Variants in PPM1L observed in about 807,000 individuals in gnomAD.
PPM1L encodes the protein protein phosphatase, Mg2+/Mn2+ dependent 1L, also known as protein phosphatase 1L.
PPM1L carries 13 observed loss-of-function variants against 31.4 expected under a neutral mutation model. The observed-to-expected ratio is 0.41, with a 90% CI of 0.27 to 0.66. The LOEUF (loss-of-function observed/expected upper bound fraction) is 0.66, where lower values mean the gene tolerates loss of function less well. Among genes scored for constraint, PPM1L ranks in the 30% least tolerant of loss-of-function variants. PPM1L has a pLI of 0.29. For missense variants in PPM1L, 326 were observed against 453.7 expected (o/e 0.72, Z 2.56); for synonymous variants, 184 against 175.4 (o/e 1.05, Z -0.39).
At chr3:161,005,339 A>G (rs1717668572) in intron 2 of PPM1L, among the ~76,000 whole-genome samples, 1 of 152,224 alleles carries the variant, frequency 6.6e-6, no homozygotes, top group Non-Finnish European at 1.5e-5. Flanking sequence ...ATGAAAAAAC[A>G]AAGTGAGTTA....
intron 1 of PPM1L, among the ~76,000 whole-genome samples, chr3:160,909,592 G>A (rs1169985513): frequency 1.3e-5 from 2 of 152,140 alleles, no homozygotes; most frequent in Admixed American, 6.5e-5. Flanking sequence ...AGCCATGAAA[G>A]TAAGCGAGCC....
intron 1 of PPM1L, among the ~76,000 whole-genome samples, chr3:160,783,258 A>G (rs1158746489): frequency 2.0e-5 from 3 of 152,202 alleles, no homozygotes; most frequent in African/African-American, 4.8e-5. Flanking sequence ...ATTAAAAAAA[A>G]TGATTCTCAG....
At chr3:161,002,092 G>A (rs1012167315) in intron 2 of PPM1L, among the ~76,000 whole-genome samples, 2 of 151,490 alleles carry the variant, frequency 1.3e-5, no homozygotes, top group Non-Finnish European at 2.9e-5. Context: ...GCGGTGTTTG[G>A]TTTTGTGTTC....
At chr3:160,801,475 CGAA>C (rs1486300145) in intron 1 of PPM1L, among the ~76,000 whole-genome samples, 2 of 152,142 alleles carry the variant, frequency 1.3e-5, no homozygotes, top group Non-Finnish European at 2.9e-5. Context: ...AGTCACAGGA[CGAA>C]GAACATTTAG....
chr3:161,006,380 G>A (rs1717704678), intron 2 of PPM1L, among the ~76,000 whole-genome samples: 1 of 152,174 alleles, frequency 6.6e-6, no homozygotes, highest in Non-Finnish European at 1.5e-5. Context: ...GTTGTTTGAT[G>A]GGGATAGAGT....
Position 161,076,068 on chromosome 3 carries a change from A to G in PPM1L, c.*6911A>G, listed in dbSNP as rs2108119736. 1 of 152,362 alleles carries G rather than the reference A, an allele frequency of 6.6e-6. No homozygotes were observed. Among genetic ancestry groups the G allele is most frequent in the East Asian group, 1.9e-4 (1 of 5,192 alleles). The allele number at this position is 152,362 out of a possible 1,614,324, so 9.4% of individuals were successfully genotyped here. A position where few individuals can be genotyped will look rare whatever the true frequency, so the allele number is the denominator to read the frequency against. The stretch of plus-strand genomic sequence containing the variant: ...TCAATTTACGACAGACAATTTCACA[A>G]AAACCAACCACAGAGTGATTTGATA... On this transcript the variant is annotated 3_prime_UTR_variant, in exon 4 of 4. Coordinates refer to ENST00000498165, the MANE Select transcript of PPM1L (RefSeq NM_139245.4).
chr3:160,832,529 T>C (rs1713553555), intron 1 of PPM1L, among the ~76,000 whole-genome samples: 1 of 152,120 alleles, frequency 6.6e-6, no homozygotes, highest in Non-Finnish European at 1.5e-5. Flanking sequence ...TTTAATTTTA[T>C]GAGTCCCAAA....
At chr3:160,931,510 C>A (rs563396216) in intron 1 of PPM1L, among the ~76,000 whole-genome samples, 1 of 152,192 alleles carries the variant, frequency 6.6e-6, no homozygotes, top group Non-Finnish European at 1.5e-5. Flanking sequence ...ATGGGGGAAA[C>A]AAGACATCAC....
chr3:160,824,184 A>T (rs183770699), intron 1 of PPM1L, among the ~76,000 whole-genome samples: 277 of 152,220 alleles, frequency 1.8e-3, no homozygotes, highest in African/African-American at 6.2e-3. Flanking sequence ...GCCCTTCCTT[A>T]AAAGAAGAGG....
At chr3:161,051,460 G>A (rs898564852) in intron 2 of PPM1L, among the ~76,000 whole-genome samples, 3 of 151,534 alleles carry the variant, frequency 2.0e-5, no homozygotes, top group Non-Finnish European at 4.4e-5. Context: ...GGAGAAAGAG[G>A]GTCATCTTCA....
intron 2 of PPM1L, among the ~76,000 whole-genome samples, chr3:160,988,110 C>T (rs1187285624): frequency 2.0e-5 from 3 of 152,076 alleles, no homozygotes; most frequent in Non-Finnish European, 4.4e-5. Flanking sequence ...ATAGGGGAAC[C>T]TGGGCAAGAG....
At chr3:161,056,568 C>A (rs1171831090) in intron 2 of PPM1L, among the ~76,000 whole-genome samples, 2 of 151,744 alleles carry the variant, frequency 1.3e-5, no homozygotes, top group Non-Finnish European at 2.9e-5. Flanking sequence ...CCAAGATAGC[C>A]CTGTTAATAT....
In PPM1L at chr3:160,805,818, G is replaced by A. The variant is rs148555508; in HGVS notation, c.399+49111G>A. ...GTAGTTAAAGGTGTAGCCCATACCT[G>A]TAGCCCATAGGCAGAATCTGGCCTG... On this transcript the variant is annotated intron_variant, in intron 1 of 3. Transcript: ENST00000498165. Among the ~76,000 whole-genome samples the A allele has an allele frequency of 2.5e-3, 374 of 152,254 alleles. 3 individuals carry two copies. The highest frequency in any genetic ancestry group is 8.6e-3 in the African/African-American group (358 of 41,536).
chr3:160,944,851 CATATATT>C (rs1715309902), intron 1 of PPM1L, among the ~76,000 whole-genome samples: 2 of 32,804 alleles, frequency 6.1e-5, no homozygotes, highest in African/African-American at 1.8e-4. Context: ...TTATATATAA[CATATATT>C]ATATATAATG....
intron 1 of PPM1L, 98 bp from the exon 2 acceptor site, chr3:160,961,637 CA>C (rs1202353748): frequency 8.8e-6 from 9 of 1,027,846 alleles, no homozygotes; most frequent in Non-Finnish European, 1.1e-5. Context: ...GTTGGTTTCA[CA>C]GTGCTTTGAG....
rs1459780288 is a variant in PPM1L, at chr3:161,050,211, C to A, written c.575-15192C>A. Among the ~76,000 whole-genome samples the A allele has an allele frequency of 5.3e-5, 8 of 152,310 alleles. No individual in the cohort carries two copies. The East Asian group carries it at 1.5e-3, about 29-fold the overall frequency. On this transcript the variant is annotated intron_variant, in intron 2 of 3. Coordinates refer to ENST00000498165, the MANE Select transcript of PPM1L (RefSeq NM_139245.4). Reference sequence around the variant, plus strand: ...GAGTCAGTAAGGTTTATCAATATTTCACTTGCATAGCCGCAGTCTTAAGTT... The same window carrying A: ...GAGTCAGTAAGGTTTATCAATATTTAACTTGCATAGCCGCAGTCTTAAGTT...
At chr3:160,928,584 A>G (rs1170894445) in intron 1 of PPM1L, among the ~76,000 whole-genome samples, 1 of 152,210 alleles carries the variant, frequency 6.6e-6, no homozygotes, top group African/African-American at 2.4e-5. Context: ...ATGTTTGAAT[A>G]TTTATGTACT....
chr3:160,872,432 G>C (rs897795652), intron 1 of PPM1L, among the ~76,000 whole-genome samples: 2 of 151,988 alleles, frequency 1.3e-5, no homozygotes, highest in Non-Finnish European at 2.9e-5. Context: ...CCCATACTAG[G>C]AACTGGGGAT....
At chr3:160,811,803 A>G (rs539580276) in intron 1 of PPM1L, among the ~76,000 whole-genome samples, 2 of 152,282 alleles carry the variant, frequency 1.3e-5, no homozygotes, top group East Asian at 3.9e-4. Context: ...CTTCCACTTA[A>G]TAGGATCATA....
Sources: allele counts gnomAD v4.1 joint callset (sites outside exome capture counted in the v4.1 genomes callset), GRCh38; gene constraint gnomAD v4.1.1; transcripts MANE v1.5; gene names NCBI Gene and HGNC (gene_info 2026-07-23, HGNC 2026-07-21).